Variants in SFMBT1 observed in about 807,000 individuals in gnomAD.
The protein encoded by SFMBT1 is scm-like with four MBT domains protein 1.
In SFMBT1, 32 loss-of-function variants were observed where a neutral mutation model predicts 108.7. That is an observed-to-expected ratio of 0.29 (90% CI 0.22 to 0.40). The LOEUF is 0.40. Among genes scored for constraint, SFMBT1 ranks in the 10% least tolerant of loss-of-function variants. The probability of loss-of-function intolerance (pLI) is 1.00; values close to 1 mark genes in which losing one functional copy is unlikely to be tolerated. For missense variants in SFMBT1, 816 were observed against 1,059.6 expected (o/e 0.77, Z 3.19); for synonymous variants, 348 against 369.5 (o/e 0.94, Z 0.67).
chr3:52,921,603 T>C, intron 11 of SFMBT1, 102 bp downstream of exon 11: 2 of 1,285,456 alleles, frequency 1.6e-6, no homozygotes, highest in Non-Finnish European at 2.2e-6. Context: ...ACAAGATCCC[T>C]ATTTAACTAA....
intron 1 of SFMBT1, among the ~76,000 whole-genome samples, chr3:53,002,578 C>G (rs1698597793): frequency 6.7e-6 from 1 of 149,996 alleles, no homozygotes; most frequent in Non-Finnish European, 1.5e-5. Context: ...ACACCTGCCA[C>G]AGTGAACTGT....
At chr3:52,965,816 C>T (rs1704113643) in intron 2 of SFMBT1, among the ~76,000 whole-genome samples, 1 of 151,046 alleles carries the variant, frequency 6.6e-6, no homozygotes, top group African/African-American at 2.4e-5. Context: ...ACCATCCTGG[C>T]TAACACGGTG....
intron 1 of SFMBT1, among the ~76,000 whole-genome samples, chr3:52,985,184 G>A (rs1366226864): frequency 1.3e-5 from 2 of 152,084 alleles, no homozygotes; most frequent in Non-Finnish European, 2.9e-5. Flanking sequence ...ACCAACACAA[G>A]CACTGTCAAA....
At chr3:52,993,019 CTTTAA>C (rs1705192128) in intron 1 of SFMBT1, among the ~76,000 whole-genome samples, 1 of 152,012 alleles carries the variant, frequency 6.6e-6, no homozygotes, top group Non-Finnish European at 1.5e-5. Flanking sequence ...CATACTCATC[CTTTAA>C]TTTAAAAGAG....
At position 52,995,997 on chromosome 3, in the gene SFMBT1, G is replaced by A. The variant is rs548083727; in HGVS notation, c.-130-26739C>T. 4.6e-4 allele frequency among the ~76,000 whole-genome samples: 68 copies of A among 148,584 alleles called. 2 individuals are homozygous for A. In the South Asian group the frequency reaches 0.014, roughly 31 times the overall value. On this transcript the variant is annotated intron_variant, in intron 1 of 20. Transcript: ENST00000394752. The stretch of plus-strand genomic sequence containing the variant: ...GAGGCAGAAGAATCACTTGAACCCG[G>A]GAGGCGGAGGTTGCAGTGAGCCAAG...
intron 15 of SFMBT1, 89 bp from the exon 16 acceptor site, chr3:52,912,736 A>C (rs1702246599): frequency 1.0e-6 from 1 of 957,952 alleles, no homozygotes. Flanking sequence ...AAATGTTAAG[A>C]TTATTTAGGA....
chr3:52,985,131 A>G (rs1030072117), intron 1 of SFMBT1, among the ~76,000 whole-genome samples: 27 of 152,350 alleles, frequency 1.8e-4, no homozygotes, highest in African/African-American at 6.0e-4. Flanking sequence ...ACATGTTGAA[A>G]CAGTATGTCT....
intron 1 of SFMBT1, among the ~76,000 whole-genome samples, chr3:52,973,193 G>A (rs1363535992): frequency 2.0e-5 from 3 of 151,440 alleles, no homozygotes; most frequent in Non-Finnish European, 2.9e-5. Context: ...TTCTAGCCTG[G>A]GCAACAGAGA....
Position 52,904,456 on chromosome 3 carries a change from G to C in SFMBT1, c.*680C>G, listed in dbSNP as rs139397912. 876 of 152,418 alleles carry C rather than the reference G, an allele frequency of 5.7e-3. 4 individuals are homozygous for C. The highest frequency in any genetic ancestry group is 7.4e-3 in the Non-Finnish European group (506 of 68,024). The allele number at this position is 152,418 out of a possible 1,614,324, so 9.4% of individuals were successfully genotyped here. ...CCCTCCAAATTCTGTCATAATTTTA[G>C]TGTTTATGTAGCTTAAAAATGGCAT... is the stretch of plus-strand genomic sequence containing the variant. On this transcript the variant is annotated 3_prime_UTR_variant, in exon 21 of 21. Coordinates refer to ENST00000394752, the MANE Select transcript of SFMBT1 (RefSeq NM_016329.4).
At chr3:52,954,103 C>T (rs1437332442) in intron 3 of SFMBT1, among the ~76,000 whole-genome samples, 8 of 149,964 alleles carry the variant, frequency 5.3e-5, no homozygotes, top group East Asian at 2.0e-4. Flanking sequence ...CCAGCCTGGG[C>T]GACAAAGCGA....
intron 2 of SFMBT1, among the ~76,000 whole-genome samples, 155 bp downstream of exon 2, chr3:52,968,946 G>A (rs1436290564): frequency 6.6e-6 from 1 of 152,062 alleles, no homozygotes; most frequent in Admixed American, 6.6e-5. Flanking sequence ...AGCCCCTAGT[G>A]CCAGGTTCTC....
chr3:52,990,668 G>A (rs558386207), intron 1 of SFMBT1, among the ~76,000 whole-genome samples: 14 of 152,262 alleles, frequency 9.2e-5, no homozygotes, highest in African/African-American at 2.9e-4. Context: ...GAGCAAGAAA[G>A]AGAGGAAAGG....
chr3:53,003,717 C>T (rs1439555547), intron 1 of SFMBT1, among the ~76,000 whole-genome samples: 1 of 144,720 alleles, frequency 6.9e-6, no homozygotes, highest in Non-Finnish European at 1.5e-5. Flanking sequence ...TGCTGCTACC[C>T]TGCTGAAGAA....
At chr3:52,969,804 T>A (rs574170078) in intron 1 of SFMBT1, among the ~76,000 whole-genome samples, 1 of 152,246 alleles carries the variant, frequency 6.6e-6, no homozygotes, top group Non-Finnish European at 1.5e-5. Flanking sequence ...ATTCTTTTTT[T>A]AAAAAACAGC....
At chr3:52,946,190 A>G (rs999071752) in intron 3 of SFMBT1, among the ~76,000 whole-genome samples, 2 of 152,248 alleles carry the variant, frequency 1.3e-5, no homozygotes, top group South Asian at 4.1e-4. Flanking sequence ...CAAGTCCATA[A>G]AAGACAAAGA....
rs367727549 is a variant in SFMBT1, at chr3:52,945,136, T to TAAAAAAAAAAAAAAAAAAAAAAAAAAAA, written c.124-1544_124-1543insTTTTTTTTTTTTTTTTTTTTTTTTTTTT. On this transcript the variant is annotated intron_variant, in intron 3 of 20. Transcript: ENST00000394752. Reference sequence around the variant, plus strand: ...TGATTTCCAAATACCACCTTCCAATTAAAAAAAAAAAAAAACAAGGACTTC... The same window carrying TAAAAAAAAAAAAAAAAAAAAAAAAAAAA: ...TGATTTCCAAATACCACCTTCCAATTAAAAAAAAAAAAAAAAAAAAAAAAAAAAAAAAAAAAAAAAAAACAAGGACTTC... 2.2e-3 allele frequency among the ~76,000 whole-genome samples: 107 copies of TAAAAAAAAAAAAAAAAAAAAAAAAAAAA among 48,452 alleles called. 13 individuals carry two copies. Among genetic ancestry groups the TAAAAAAAAAAAAAAAAAAAAAAAAAAAA allele is most frequent in the South Asian group, 6.5e-3 (5 of 774 alleles). 31.8% of individuals were successfully genotyped at this position (48,452 alleles called of 152,430 possible). A position where few individuals can be genotyped will look rare whatever the true frequency, so the allele number is the denominator to read the frequency against.
chr3:52,959,661 G>T (rs182390023), intron 2 of SFMBT1, among the ~76,000 whole-genome samples: 3 of 152,016 alleles, frequency 2.0e-5, no homozygotes, highest in African/African-American at 7.2e-5. Context: ...CCATCTTTAG[G>T]CTCTGCTTCC....
At chr3:52,981,858 C>T (rs1397415825) in intron 1 of SFMBT1, among the ~76,000 whole-genome samples, 1 of 152,102 alleles carries the variant, frequency 6.6e-6, no homozygotes, top group African/African-American at 2.4e-5. Flanking sequence ...AACCCCCACG[C>T]CTCGAAGGGA....
intron 6 of SFMBT1, 127 bp from the exon 7 acceptor site, chr3:52,931,162 T>C (rs1424539391): frequency 1.4e-6 from 1 of 735,874 alleles, no homozygotes; most frequent in African/African-American, 1.8e-5. Flanking sequence ...TCAAGCCCAC[T>C]TATATCCCTT....
Sources: gnomAD v4.1 joint callset for allele counts (sites outside exome capture counted in the v4.1 genomes callset) on GRCh38, gnomAD v4.1.1 for gene constraint, MANE v1.5 for transcripts, NCBI Gene and HGNC (gene_info 2026-07-23, HGNC 2026-07-21) for gene names.